The following ADAM7 variants were observed in gnomAD, a reference collection of about 807,000 sequenced individuals.
ADAM7 encodes disintegrin and metalloproteinase domain-containing protein 7.
ADAM7 carries 97 observed loss-of-function variants against 102.9 expected under a neutral mutation model. The observed-to-expected ratio is 0.94, with a 90% CI of 0.80 to 1.12. The LOEUF (loss-of-function observed/expected upper bound fraction) is 1.12. Ranked by LOEUF, ADAM7 falls within the 50% of genes most tolerant of loss-of-function variation. The probability of loss-of-function intolerance (pLI) is 0.00; values close to 1 mark genes in which losing one functional copy is unlikely to be tolerated. For synonymous variants in ADAM7, 334 were observed against 304.4 expected (o/e 1.10, Z -1.01); for missense variants, 991 against 908.7 (o/e 1.09, Z -1.16).
intron 3 of ADAM7, among the ~76,000 whole-genome samples, chr8:24,460,965 T>C (rs918098073): frequency 2.0e-5 from 3 of 152,184 alleles, no homozygotes; most frequent in African/African-American, 7.2e-5. Context: ...GTAGCATAGA[T>C]CTGTGGCAAA....
At chr8:24,504,043 TA>T (rs1463043302) in intron 20 of ADAM7, among the ~76,000 whole-genome samples, 3 of 147,192 alleles carry the variant, frequency 2.0e-5, no homozygotes, top group Admixed American at 6.7e-5. Context: ...TAAAATAAAA[TA>T]AAATAAAATA....
intron 11 of ADAM7, 32 bp from the exon 12 acceptor site, chr8:24,489,127 T>A: frequency 1.3e-6 from 2 of 1,577,154 alleles, no homozygotes. Context: ...TTGATATGAT[T>A]AATCTTTATT....
At position 24,441,042 on chromosome 8, in the gene ADAM7, T is replaced by G; in HGVS notation, c.-67T>G. 6.9e-7 allele frequency: 1 copy of G among 1,449,002 alleles called. No individual in the cohort carries two copies. The highest frequency in any genetic ancestry group is 9.7e-7 in the Non-Finnish European group (1 of 1,030,938). 89.8% of individuals were successfully genotyped at this position (1,449,002 alleles called of 1,614,324 possible). On this transcript the variant is annotated 5_prime_UTR_variant, in exon 1 of 22. Coordinates refer to ENST00000175238, the MANE Select transcript of ADAM7 (RefSeq NM_003817.4). ...AGGTGCTTCATCCCTGCAGTGGAAG[T>G]GAGGAGGAAGAAAGGTGAACTCCTT...
intron 9 of ADAM7, among the ~76,000 whole-genome samples, chr8:24,484,802 CTTTTTTTTT>C: frequency 1.1e-5 from 1 of 91,952 alleles, no homozygotes; most frequent in South Asian, 4.1e-4. Context: ...ATTGCACTGG[CTTTTTTTTT>C]TTTTTTTTTT....
intron 3 of ADAM7, among the ~76,000 whole-genome samples, chr8:24,460,406 A>T (rs1218931839): frequency 6.6e-6 from 1 of 152,054 alleles, no homozygotes; most frequent in Admixed American, 6.5e-5. Flanking sequence ...ACATTACATT[A>T]AATGTTATGA....
chr8:24,487,237 G>T lies in ADAM7; in HGVS notation c.1011G>T (p.Leu337=), dbSNP rs1263416167. 1.2e-6 allele frequency: 2 copies of T among 1,613,832 alleles called. No individual in the cohort carries two copies. Among genetic ancestry groups the T allele is most frequent in the Admixed American group, 3.3e-5 (2 of 59,998 alleles). Residue 337 remains leucine (L), a synonymous_variant, in exon 11 of 22, where the codon CTG becomes CTT. Coordinates refer to ENST00000175238, the MANE Select transcript of ADAM7 (RefSeq NM_003817.4). The part of the protein sequence containing the change: ...NIIANRMAHQ[L]GHNLGMQHDE... ...TTGCAAACAGAATGGCACATCAACTGGGGCATAACCTTGGGATGCAGCATG... is the reference window on the plus strand; with the variant it reads ...TTGCAAACAGAATGGCACATCAACTTGGGCATAACCTTGGGATGCAGCATG...
chr8:24,504,130 G>A (rs1820866983), intron 20 of ADAM7, among the ~76,000 whole-genome samples: 1 of 152,038 alleles, frequency 6.6e-6, no homozygotes. Context: ...CACTTTGAGA[G>A]GCCAAGGCAA....
At chr8:24,491,597 A>T (rs1820357860) in intron 13 of ADAM7, among the ~76,000 whole-genome samples, 1 of 152,110 alleles carries the variant, frequency 6.6e-6, no homozygotes, top group African/African-American at 2.4e-5. Flanking sequence ...TATGTACTGG[A>T]TCCCTTGGGA....
intron 2 of ADAM7, among the ~76,000 whole-genome samples, chr8:24,444,431 C>T (rs369398914): frequency 2.6e-5 from 4 of 151,746 alleles, no homozygotes; most frequent in East Asian, 3.9e-4. Flanking sequence ...CCAGGAAGTA[C>T]CATACTGAAG....
Position 24,508,784 on chromosome 8 carries a change from C to T in ADAM7, c.*238C>T. The T allele has an allele frequency of 1.5e-6, 2 of 1,345,690 alleles. No homozygotes were observed. Among genetic ancestry groups the T allele is most frequent in the South Asian group, 2.1e-5 (1 of 47,210 alleles). The allele number at this position is 1,345,690 out of a possible 1,614,324, so 83.4% of individuals were successfully genotyped here. On this transcript the variant is annotated 3_prime_UTR_variant, in exon 22 of 22. Transcript: ENST00000175238. ...AGAAAAAAAATGTCTTGTGGTCTTTCAAATGCTCTTTAGCACAATATAAAA... is the reference window on the plus strand; with the variant it reads ...AGAAAAAAAATGTCTTGTGGTCTTTTAAATGCTCTTTAGCACAATATAAAA...
intron 7 of ADAM7, among the ~76,000 whole-genome samples, chr8:24,472,094 T>C (rs1484251607): frequency 1.6e-5 from 2 of 126,914 alleles, no homozygotes; most frequent in East Asian, 2.2e-4. Context: ...AATATGAAAA[T>C]ACCTAACAAC....
intron 3 of ADAM7, among the ~76,000 whole-genome samples, chr8:24,451,554 G>A (rs1248663076): frequency 1.3e-5 from 2 of 151,948 alleles, no homozygotes; most frequent in African/African-American, 4.8e-5. Flanking sequence ...TTCTTTATTA[G>A]TCTTGCTAGT....
intron 10 of ADAM7, among the ~76,000 whole-genome samples, chr8:24,486,063 CAT>C (rs1179110420): frequency 2.6e-5 from 4 of 152,092 alleles, no homozygotes; most frequent in Non-Finnish European, 5.9e-5. Flanking sequence ...ATTTCAGTAA[CAT>C]AAGTTTTGGA....
intron 3 of ADAM7, among the ~76,000 whole-genome samples, chr8:24,455,477 A>T (rs944935090): frequency 3.3e-5 from 5 of 152,194 alleles, no homozygotes; most frequent in African/African-American, 1.2e-4. Context: ...GTCATGGCTC[A>T]CTGTAGCCTT....
intron 2 of ADAM7, among the ~76,000 whole-genome samples, chr8:24,445,185 C>T (rs1264190740): frequency 1.3e-5 from 2 of 152,112 alleles, no homozygotes. Flanking sequence ...GACACACACA[C>T]ATACACACCT....
Position 24,493,119 on chromosome 8 carries a change from C to T in ADAM7, c.1732C>T (p.Leu578Phe). 1.9e-6 allele frequency: 3 copies of T among 1,613,258 alleles called. No homozygotes were observed. The highest frequency in any genetic ancestry group is 2.7e-5 in the African/African-American group (2 of 74,992). Residue 578 changes from leucine (L) to phenylalanine (F), a missense_variant, in exon 16 of 22, where the codon CTT becomes TTT. Transcript: ENST00000175238. Reference sequence around the variant, plus strand: ...CCTTGGAGAAGACAAGACTTATCACCTTAAGGATCCCCAGAAGAATGCTAC... The same window carrying T: ...CCTTGGAGAAGACAAGACTTATCACTTTAAGGATCCCCAGAAGAATGCTAC... ...SLLGEDKTYH[L>F]KDPQKNATVK...
In ADAM7 at chr8:24,463,886, T is replaced by C. The variant is rs1819336170; in HGVS notation, c.238T>C (p.Phe80Leu). 1 of 1,613,120 alleles carries C rather than the reference T, an allele frequency of 6.2e-7. No individual in the cohort carries two copies. Among genetic ancestry groups the C allele is most frequent in the Admixed American group, 1.7e-5 (1 of 59,966 alleles). Residue 80 changes from phenylalanine to leucine, a missense_variant, in exon 4 of 22, where the codon TTC becomes CTC. Coordinates refer to ENST00000175238, the MANE Select transcript of ADAM7 (RefSeq NM_003817.4). ...LVLHLLRSRE[F>L]LGSNYSETFY... The stretch of plus-strand genomic sequence containing the variant: ...CCTGTCTGCCCTCTTTTTCAGGGAG[T>C]TCCTAGGCTCAAATTACAGTGAAAC...
intron 20 of ADAM7, 84 bp from the exon 21 acceptor site, chr8:24,507,396 T>C: frequency 1.9e-6 from 2 of 1,067,406 alleles, no homozygotes; most frequent in Non-Finnish European, 2.9e-6. Context: ...CATGTGTATG[T>C]GTGCACATGC....
Position 24,508,784 on chromosome 8 carries a change from C to G in ADAM7, c.*238C>G. On this transcript the variant is annotated 3_prime_UTR_variant, in exon 22 of 22. Coordinates refer to ENST00000175238, the MANE Select transcript of ADAM7 (RefSeq NM_003817.4). ...AGAAAAAAAATGTCTTGTGGTCTTTCAAATGCTCTTTAGCACAATATAAAA... is the reference window on the plus strand; with the variant it reads ...AGAAAAAAAATGTCTTGTGGTCTTTGAAATGCTCTTTAGCACAATATAAAA... The G allele has an allele frequency of 7.4e-7, 1 of 1,345,690 alleles. No homozygotes were observed. Among genetic ancestry groups the G allele is most frequent in the Non-Finnish European group, 9.5e-7 (1 of 1,048,050 alleles). The allele number at this position is 1,345,690 out of a possible 1,614,324, so 83.4% of individuals were successfully genotyped here. A position where few individuals can be genotyped will look rare whatever the true frequency, so the allele number is the denominator to read the frequency against.
Sources: gnomAD v4.1 joint callset for allele counts (sites outside exome capture counted in the v4.1 genomes callset) on GRCh38, gnomAD v4.1.1 for gene constraint, MANE v1.5 for transcripts, NCBI Gene and HGNC (gene_info 2026-07-23, HGNC 2026-07-21) for gene names.